Variants in GTF2I observed in about 807,000 individuals in gnomAD.
GTF2I encodes general transcription factor II-I.
In GTF2I, 12 loss-of-function variants were observed where a neutral mutation model predicts 67.6. The observed-to-expected ratio is 0.18, with a 90% CI of 0.11 to 0.29. The LOEUF (loss-of-function observed/expected upper bound fraction) is 0.29, where lower values mean the gene tolerates loss of function less well. Ranked by LOEUF, GTF2I falls within the 10% of genes least tolerant of loss-of-function variation. The pLI is 1.00. For missense variants in GTF2I, 271 were observed against 580.1 expected (o/e 0.47, Z 5.47); for synonymous variants, 149 against 197.0 (o/e 0.76, Z 2.04).
rs1794605246 is a variant in GTF2I at position 74,732,745 on chromosome 7, C to T, written c.1304+83C>T. 3.9e-6 allele frequency: 6 copies of T among 1,534,718 alleles called. No homozygotes were observed. The Admixed American group carries it at 1.4e-4, about 36-fold the overall frequency. On this transcript the variant is annotated intron_variant, in intron 15 of 34. Coordinates refer to ENST00000573035, the MANE Select transcript of GTF2I (RefSeq NM_032999.4). Reference sequence around the variant, plus strand: ...TTATTGTTGACCAATATTCATTCACCACTAGGTTCTATGTGATGAAGTTTG... The same window carrying T: ...TTATTGTTGACCAATATTCATTCACTACTAGGTTCTATGTGATGAAGTTTG...
At chr7:74,678,328 T>G (rs775539411) in intron 1 of GTF2I, among the ~76,000 whole-genome samples, 3 of 152,080 alleles carry the variant, frequency 2.0e-5, no homozygotes, top group Non-Finnish European at 2.9e-5. Flanking sequence ...TGGCAATTAT[T>G]TTAGCTAATT....
At position 74,711,120 on chromosome 7, in the gene GTF2I, T is replaced by TG; in HGVS notation, c.763+11_763+12insG. The TG allele has an allele frequency of 8.7e-7, 1 of 1,153,806 alleles. No individual in the cohort carries two copies. The highest frequency in any genetic ancestry group is 1.2e-6 in the Non-Finnish European group (1 of 804,314). 71.5% of individuals were successfully genotyped at this position (1,153,806 alleles called of 1,614,324 possible). On this transcript the variant is annotated intron_variant, in intron 9 of 34. Transcript: ENST00000573035. ...AATATAACATTCAAGGTAATTTGAA[T>TG]TAATGCAATTTTTCTTTCTAAAAAT...
At chr7:74,701,800 G>T (rs1380606270) in intron 6 of GTF2I, among the ~76,000 whole-genome samples, 1 of 152,138 alleles carries the variant, frequency 6.6e-6, no homozygotes, top group African/African-American at 2.4e-5. Flanking sequence ...TTCACTAATA[G>T]TAGATTTACA....
chr7:74,696,885 G>C (rs1788974193), intron 3 of GTF2I, among the ~76,000 whole-genome samples: 1 of 152,092 alleles, frequency 6.6e-6, no homozygotes, highest in Non-Finnish European at 1.5e-5. Flanking sequence ...ATAGGTTTAT[G>C]AGGCAATCAT....
At chr7:74,680,099 A>AAAAATATATATATATAT in intron 1 of GTF2I, among the ~76,000 whole-genome samples, 1 of 95,002 alleles carries the variant, frequency 1.1e-5, no homozygotes, top group Non-Finnish European at 2.1e-5. Context: ...AAAAAAAAAA[A>AAAAATATATATATATAT]ATATATATAT....
At chr7:74,725,267 G>A (rs1416950753) in intron 12 of GTF2I, among the ~76,000 whole-genome samples, 1 of 152,150 alleles carries the variant, frequency 6.6e-6, no homozygotes, top group African/African-American at 2.4e-5. Flanking sequence ...TGAGGATGTG[G>A]TGAAGTTTAT....
intron 3 of GTF2I, among the ~76,000 whole-genome samples, chr7:74,693,312 G>A (rs117070686): frequency 0.018 from 2,151 of 120,700 alleles, 25 homozygotes; most frequent in Middle Eastern, 0.051. Context: ...GGTTTGCTCC[G>A]TCACCCTGGC....
intron 18 of GTF2I, among the ~76,000 whole-genome samples, chr7:74,737,147 C>T (rs587687487): frequency 6.8e-6 from 1 of 147,822 alleles, no homozygotes; most frequent in Admixed American, 6.7e-5. Flanking sequence ...GAGCCGAGAT[C>T]GTGCCACTGC....
intron 8 of GTF2I, among the ~76,000 whole-genome samples, chr7:74,708,421 A>G (rs1383555707): frequency 7.9e-5 from 12 of 152,122 alleles, no homozygotes; most frequent in African/African-American, 2.9e-4. Flanking sequence ...CTGCCACCCC[A>G]TCAGCTTTCC....
At chr7:74,677,040 CAG>C (rs1441521888) in intron 1 of GTF2I, among the ~76,000 whole-genome samples, 2 of 152,062 alleles carry the variant, frequency 1.3e-5, no homozygotes, top group Non-Finnish European at 2.9e-5. Flanking sequence ...GCCTGGGCGA[CAG>C]AGTGAGACTC....
chr7:74,731,082 T>C (rs1339609270), intron 14 of GTF2I, among the ~76,000 whole-genome samples: 1 of 151,704 alleles, frequency 6.6e-6, no homozygotes, highest in Non-Finnish European at 1.5e-5. Context: ...TATTCTGTCC[T>C]ATAGCCACCT....
intron 1 of GTF2I, among the ~76,000 whole-genome samples, chr7:74,679,584 C>T (rs587751229): frequency 6.6e-6 from 1 of 152,124 alleles, no homozygotes; most frequent in Non-Finnish European, 1.5e-5. Context: ...TAATTATTTA[C>T]CTTGTGTTGA....
At chr7:74,658,417 G>T (rs1403296267) in intron 1 of GTF2I, among the ~76,000 whole-genome samples, 1 of 145,436 alleles carries the variant, frequency 6.9e-6, no homozygotes, top group African/African-American at 2.5e-5. Flanking sequence ...TGCGGTGGGG[G>T]GGCGCCTCGC....
chr7:74,667,991 G>T (rs782067461), intron 1 of GTF2I, among the ~76,000 whole-genome samples: 2 of 151,538 alleles, frequency 1.3e-5, no homozygotes, highest in Non-Finnish European at 2.9e-5. Context: ...GCACCACCAC[G>T]CCCAGCTAAT....
intron 12 of GTF2I, chr7:74,726,882 T>TAGAA (rs1448085603): frequency 6.9e-5 from 10 of 144,722 alleles, no homozygotes; most frequent in South Asian, 2.2e-4. Flanking sequence ...GATAGATAGA[T>TAGAA]AGAATGAGAC....
chr7:74,685,295 A>G (rs1361229959), intron 1 of GTF2I, among the ~76,000 whole-genome samples: 2 of 152,238 alleles, frequency 1.3e-5, no homozygotes, highest in Admixed American at 1.3e-4. Flanking sequence ...CACGAGTTCC[A>G]GACCAGCCTG....
chr7:74,683,649 T>A (rs1423327496), intron 1 of GTF2I, among the ~76,000 whole-genome samples: 1 of 152,050 alleles, frequency 6.6e-6, no homozygotes. Context: ...GGTCAGGAGC[T>A]CAAGACCAGC....
At chr7:74,728,363 A>G (rs1372620735) in intron 12 of GTF2I, among the ~76,000 whole-genome samples, 3 of 151,718 alleles carry the variant, frequency 2.0e-5, no homozygotes, top group Non-Finnish European at 4.4e-5. Flanking sequence ...TTGCTTATGC[A>G]TGCTTAAATT....
chr7:74,709,833 C>G (rs985295831), intron 8 of GTF2I, among the ~76,000 whole-genome samples: 1 of 151,136 alleles, frequency 6.6e-6, no homozygotes, highest in African/African-American at 2.4e-5. Flanking sequence ...CCACCACTCC[C>G]GGCTAATTTT....
Sources: allele counts gnomAD v4.1 joint callset (sites outside exome capture counted in the v4.1 genomes callset), GRCh38; gene constraint gnomAD v4.1.1; transcripts MANE v1.5; gene names NCBI Gene and HGNC (gene_info 2026-07-23, HGNC 2026-07-21).